OSBPL10: variants seen among roughly 807,000 people sequenced by gnomAD.
OSBPL10 encodes oxysterol binding protein like 10.
A neutral mutation model predicts 81.7 loss-of-function variants in OSBPL10; 49 were observed. The observed-to-expected ratio is 0.60, with a 90% CI of 0.48 to 0.76. OSBPL10 has a LOEUF of 0.76. OSBPL10 is among the 30% of genes least tolerant of loss of function. The pLI is 0.00. For missense variants in OSBPL10, 923 were observed against 987.8 expected, an observed-to-expected ratio of 0.93 and a Z score of 0.88; for synonymous variants, 419 against 383.6, an observed-to-expected ratio of 1.09 and a Z score of -1.08.
intron 1 of OSBPL10, among the ~76,000 whole-genome samples, chr3:31,956,954 G>T (rs1428790905): frequency 6.7e-6 from 1 of 149,722 alleles, no homozygotes; most frequent in Admixed American, 6.8e-5. Flanking sequence ...GCAACATGGT[G>T]AAACCCCATC....
chr3:31,723,539 TACACACAC>T (rs35189802), intron 6 of OSBPL10, among the ~76,000 whole-genome samples: 1 of 125,038 alleles, frequency 8.0e-6, no homozygotes, highest in Non-Finnish European at 1.6e-5. Context: ...CTCTGTTTCT[TACACACAC>T]ACACACACAC....
intron 1 of OSBPL10, among the ~76,000 whole-genome samples, chr3:31,980,161 C>A (rs1183314436): frequency 1.3e-5 from 2 of 151,958 alleles, no homozygotes; most frequent in Admixed American, 1.3e-4. Context: ...CGCCGCCACG[C>A]CCGGCTAATT....
At chr3:31,719,533 A>G (rs1304691897) in intron 6 of OSBPL10, among the ~76,000 whole-genome samples, 1 of 152,228 alleles carries the variant, frequency 6.6e-6, no homozygotes, top group East Asian at 1.9e-4. Flanking sequence ...AATCTTAAAA[A>G]TAAAGTGGAA....
intron 4 of OSBPL10, among the ~76,000 whole-genome samples, chr3:31,778,337 G>A (rs1698601626): frequency 6.6e-6 from 1 of 152,192 alleles, no homozygotes; most frequent in South Asian, 2.1e-4. Flanking sequence ...CTCCACAGTG[G>A]CCGTGGCAAG....
intron 4 of OSBPL10, among the ~76,000 whole-genome samples, chr3:31,804,309 A>G (rs1699470653): frequency 1.3e-5 from 2 of 152,198 alleles, no homozygotes; most frequent in South Asian, 4.1e-4. Flanking sequence ...CCTGATAATA[A>G]TTCTGATATT....
intron 1 of OSBPL10, among the ~76,000 whole-genome samples, chr3:31,926,292 C>CCCCCCA: frequency 6.9e-6 from 1 of 144,360 alleles, no homozygotes; most frequent in South Asian, 2.3e-4. Context: ...TGATTTTGCC[C>CCCCCCA]CCCCAGAGGA....
chr3:31,886,585 A>C (rs1695743074), intron 1 of OSBPL10, among the ~76,000 whole-genome samples: 1 of 152,192 alleles, frequency 6.6e-6, no homozygotes, highest in African/African-American at 2.4e-5. Flanking sequence ...GGGGCCTGTG[A>C]ACAGACTTCT....
intron 1 of OSBPL10, among the ~76,000 whole-genome samples, chr3:31,944,343 T>C (rs1426263472): frequency 1.3e-5 from 2 of 152,182 alleles, no homozygotes; most frequent in Non-Finnish European, 2.9e-5. Flanking sequence ...TCATAAAATA[T>C]AAAAGAACAG....
chr3:31,988,947 TA>T lies in OSBPL10; in HGVS notation n.298+57543del, dbSNP rs1698982437. On this transcript the variant is annotated intron_variant and non_coding_transcript_variant, in intron 2 of 3. Coordinates refer to the OSBPL10 transcript ENST00000479173. The stretch of plus-strand genomic sequence containing the variant: ...ACCCCGACCCACAGCGACTGTGAGA[TA>T]ATCAGTGTTTGTTGCCTTAAGCCAC... 3.4e-6 allele frequency: 4 copies of T among 1,162,006 alleles called. No individual in the cohort carries two copies. The East Asian group carries it at 7.5e-5, about 22-fold the overall frequency. The allele number at this position is 1,162,006 out of a possible 1,614,324, so 72.0% of individuals were successfully genotyped here.
chr3:31,803,907 G>A (rs1699458691), intron 4 of OSBPL10, among the ~76,000 whole-genome samples: 1 of 152,096 alleles, frequency 6.6e-6, no homozygotes. Flanking sequence ...ATTACTGGTG[G>A]TATTAACCAT....
intron 4 of OSBPL10, among the ~76,000 whole-genome samples, chr3:31,770,051 A>T (rs1698331349): frequency 6.6e-6 from 1 of 152,196 alleles, no homozygotes; most frequent in South Asian, 2.1e-4. Context: ...GACTTTCATT[A>T]GATTCTCAAA....
At chr3:31,970,938 G>A (rs1029593767) in intron 1 of OSBPL10, among the ~76,000 whole-genome samples, 1 of 152,148 alleles carries the variant, frequency 6.6e-6, no homozygotes, top group African/African-American at 2.4e-5. Flanking sequence ...TACCAGGGAC[G>A]CCCTGCTGAA....
intron 6 of OSBPL10, among the ~76,000 whole-genome samples, chr3:31,713,442 G>A (rs1320797344): frequency 6.6e-6 from 1 of 151,942 alleles, no homozygotes; most frequent in East Asian, 1.9e-4. Flanking sequence ...TGTTGCCCAG[G>A]CTGGAGTGCA....
At chr3:31,713,182 G>C (rs1452115022) in intron 6 of OSBPL10, among the ~76,000 whole-genome samples, 1 of 151,750 alleles carries the variant, frequency 6.6e-6, no homozygotes, top group Non-Finnish European at 1.5e-5. Context: ...ACTGTGGCCC[G>C]TGAGGCCCTA....
chr3:32,070,812 A>G (rs1699823245), intron 1 of OSBPL10, among the ~76,000 whole-genome samples: 1 of 151,062 alleles, frequency 6.6e-6, no homozygotes, highest in South Asian at 2.1e-4. Flanking sequence ...ACAACTCACT[A>G]TTCCGTTCTT....
At chr3:32,026,016 A>ATAGATAGATAGG (rs1699403107) in intron 2 of OSBPL10, among the ~76,000 whole-genome samples, 2 of 102,226 alleles carry the variant, frequency 2.0e-5, no homozygotes, top group African/African-American at 7.8e-5. Flanking sequence ...ACAGACATAG[A>ATAGATAGATAGG]TAGATAGATA....
intron 4 of OSBPL10, among the ~76,000 whole-genome samples, chr3:31,827,753 T>C (rs1405899600): frequency 6.6e-6 from 1 of 152,236 alleles, no homozygotes; most frequent in East Asian, 1.9e-4. Flanking sequence ...AGTGGTTATC[T>C]GTAGGGAGGT....
chr3:32,042,493 C>T (rs148963136), intron 2 of OSBPL10, among the ~76,000 whole-genome samples: 47 of 152,300 alleles, frequency 3.1e-4, no homozygotes, highest in African/African-American at 1.0e-3. Flanking sequence ...GTTCCATGGT[C>T]AGAATGGATC....
At chr3:31,677,186 C>T (rs925635706) in intron 8 of OSBPL10, among the ~76,000 whole-genome samples, 1 of 152,140 alleles carries the variant, frequency 6.6e-6, no homozygotes. Context: ...GGAAATTATC[C>T]AACCTCCTGC....
Sources: allele counts gnomAD v4.1 joint callset (sites outside exome capture counted in the v4.1 genomes callset), GRCh38; gene constraint gnomAD v4.1.1; transcripts MANE v1.5; gene names NCBI Gene and HGNC (gene_info 2026-07-23, HGNC 2026-07-21).